JPH2: variants seen among roughly 807,000 people sequenced by gnomAD.
JPH2 encodes junctophilin 2, also known as junctophilin-2.
Under a neutral mutation model 55.9 loss-of-function variants are expected in JPH2, and 38 were observed. That is an observed-to-expected ratio of 0.68 (90% CI 0.52 to 0.89). The LOEUF (loss-of-function observed/expected upper bound fraction) is 0.89. Among genes scored for constraint, JPH2 ranks in the 40% least tolerant of loss-of-function variants. JPH2 has a pLI of 0.00. For missense variants in JPH2, 964 were observed against 1,037.6 expected (o/e 0.93, Z 0.97); for synonymous variants, 480 against 472.4 (o/e 1.02, Z -0.21).
Position 44,186,578 on chromosome 20 carries a change from T to C in JPH2, c.128A>G (p.Asn43Ser), listed in dbSNP as rs138992849. Residue 43 changes from asparagine (N) to serine (S), a missense_variant, in exon 1 of 6, where the codon AAC (asparagine) becomes AGC (serine). Coordinates refer to ENST00000372980, the MANE Select transcript of JPH2 (RefSeq NM_020433.5). The stretch of plus-strand genomic sequence containing the variant: ...GACACCTGCCACCTCAAAGCCAAAG[T>C]TCCAGGAGCCAGAGTATTCGCCCTG... ...KGQGEYSGSW[N>S]FGFEVAGVYT... The C allele has an allele frequency of 1.3e-4, 215 of 1,613,754 alleles. No homozygotes were observed. The African/African-American group carries it at 2.4e-3, about 18-fold the overall frequency.
chr20:44,151,399 C>A (rs112702405), intron 2 of JPH2, among the ~76,000 whole-genome samples: 3,161 of 152,274 alleles, frequency 0.021, 51 homozygotes, highest in Middle Eastern at 0.038. Context: ...TGCCTGTAAT[C>A]CCAGCTACTT....
At chr20:44,149,087 T>C (rs1194008775) in intron 2 of JPH2, among the ~76,000 whole-genome samples, 22 of 139,114 alleles carry the variant, frequency 1.6e-4, no homozygotes, top group East Asian at 4.1e-4. Flanking sequence ...ACATTCTCCC[T>C]CCTCCAATTA....
intron 4 of JPH2, among the ~76,000 whole-genome samples, chr20:44,115,355 G>A (rs2072180109): frequency 6.6e-6 from 1 of 152,120 alleles, no homozygotes; most frequent in African/African-American, 2.4e-5. Context: ...CCCTGACTGG[G>A]CAAATGGACC....
Position 44,159,825 on chromosome 20 carries a change from T to C in JPH2, c.962A>G (p.Asn321Ser), listed in dbSNP as rs373731005. 5.0e-5 allele frequency: 80 copies of C among 1,613,438 alleles called. No homozygotes were observed. The highest frequency in any genetic ancestry group is 6.6e-5 in the Non-Finnish European group (78 of 1,179,882). The change falls in exon 2 of 6, where the codon AAC becomes AGC. Residue 321 changes from asparagine to serine, a missense_variant. Coordinates refer to ENST00000372980, the MANE Select transcript of JPH2 (RefSeq NM_020433.5). This position sits in a 1 kb window ranked among gnomAD's most constrained non-coding sequence, Gnocchi z 5.7. Reference protein sequence around the residue: ...GLRYEGEWLDNLRHGYGCTTL... With the variant: ...GLRYEGEWLDSLRHGYGCTTL... ...GGTGCAGCCATAGCCGTGGCGCAGG[T>C]TGTCCAGCCACTCGCCCTCGTAGCG...
rs1335965554 is a variant in JPH2 at position 44,134,144 on chromosome 20, ATATTTATTATAAATATATAAATATT to A, written c.1170-15546_1170-15522del. ...ATATTTATTATAAATATATAAATAA[ATATTTATTATAAATATATAAATATT>A]TATTATAAATATATAAATATTTATT... On this transcript the variant is annotated intron_variant, in intron 2 of 5. Coordinates refer to ENST00000372980, the MANE Select transcript of JPH2 (RefSeq NM_020433.5). Among the ~76,000 whole-genome samples, 12 of 25,452 alleles carry A rather than the reference ATATTTATTATAAATATATAAATATT, an allele frequency of 4.7e-4. 5 individuals are homozygous for A. Among genetic ancestry groups the A allele is most frequent in the Non-Finnish European group, 8.8e-4 (12 of 13,694 alleles). 16.7% of individuals were successfully genotyped at this position (25,452 alleles called of 152,430 possible).
chr20:44,140,107 G>A (rs542202064), intron 2 of JPH2, among the ~76,000 whole-genome samples: 1 of 152,244 alleles, frequency 6.6e-6, no homozygotes, highest in East Asian at 1.9e-4. Flanking sequence ...TCCTGACCTC[G>A]TGATCTGCCC....
intron 2 of JPH2, among the ~76,000 whole-genome samples, chr20:44,118,967 G>T (rs1483561067): frequency 6.6e-6 from 1 of 152,194 alleles, no homozygotes; most frequent in African/African-American, 2.4e-5. Context: ...CAGCATTGCT[G>T]GTTGAATGCA....
chr20:44,123,221 G>A (rs1053719184), intron 2 of JPH2, among the ~76,000 whole-genome samples: 13 of 152,096 alleles, frequency 8.5e-5, no homozygotes, highest in African/African-American at 3.1e-4. Context: ...CCCAATCTCT[G>A]ATCCCAGCCT....
chr20:44,153,337 C>T (rs1281436632), intron 2 of JPH2, among the ~76,000 whole-genome samples: 1 of 152,134 alleles, frequency 6.6e-6, no homozygotes, highest in African/African-American at 2.4e-5. Flanking sequence ...GGAAAGTGAG[C>T]CCAGAGGGGT....
At chr20:44,183,030 C>G (rs34254827) in intron 1 of JPH2, among the ~76,000 whole-genome samples, 1 of 151,948 alleles carries the variant, frequency 6.6e-6, no homozygotes, top group Admixed American at 6.5e-5. Context: ...CACATACACA[C>G]GCACACATAA....
rs1251559727 is a variant in JPH2 at position 44,107,024 on chromosome 20, G to A, written c.*6494C>T. 5.3e-5 allele frequency among the ~76,000 whole-genome samples: 8 copies of A among 152,176 alleles called. No individual in the cohort carries two copies. Among genetic ancestry groups the A allele is most frequent in the Non-Finnish European group, 1.0e-4 (7 of 68,026 alleles). ...CAAGTTAGACTTCTTCCTCTGCCCT[G>A]TTCTGCATTTTCCTCCTTCCTTTCA... On this transcript the variant is annotated 3_prime_UTR_variant, in exon 6 of 6. Coordinates refer to ENST00000372980, the MANE Select transcript of JPH2 (RefSeq NM_020433.5).
intron 1 of JPH2, among the ~76,000 whole-genome samples, chr20:44,179,171 TTACA>T (rs1218365145): frequency 2.0e-5 from 3 of 152,146 alleles, no homozygotes; most frequent in Non-Finnish European, 4.4e-5. Flanking sequence ...TCTAAGAGCT[TTACA>T]TGGATCAGGG....
chr20:44,177,980 A>G, intron 1 of JPH2: 1 of 1,029,454 alleles, frequency 9.7e-7, no homozygotes, highest in Non-Finnish European at 1.5e-6. Flanking sequence ...TCCCTAAAGG[A>G]AAAAAGGAAA....
intron 2 of JPH2, among the ~76,000 whole-genome samples, chr20:44,120,915 G>A (rs571896910): frequency 2.3e-4 from 35 of 152,338 alleles, no homozygotes; most frequent in African/African-American, 8.4e-4. Flanking sequence ...GCTGAGCATG[G>A]CCAGGAACTG....
rs575189090 is a variant in JPH2, at chr20:44,182,795, G to A, written c.379+3532C>T. 1.1e-3 allele frequency among the ~76,000 whole-genome samples: 162 copies of A among 152,302 alleles called. 1 individual carries two copies. Among genetic ancestry groups the A allele is most frequent in the African/African-American group, 3.6e-3 (151 of 41,554 alleles). On this transcript the variant is annotated intron_variant, in intron 1 of 5. Coordinates refer to ENST00000372980, the MANE Select transcript of JPH2 (RefSeq NM_020433.5). ...AGTTTATGTTTTTCCACTGGACAGG[G>A]AGCTCCTTGAGGACCTTGTCTTGCT...
At position 44,126,188 on chromosome 20, in the gene JPH2, A is replaced by AAGGAAGGAAGGAAGGAAGGG. The variant is rs796524844; in HGVS notation, c.1170-7566_1170-7565insCCCTTCCTTCCTTCCTTCCT. Among the ~76,000 whole-genome samples, 26 of 95,730 alleles carry AAGGAAGGAAGGAAGGAAGGG rather than the reference A, an allele frequency of 2.7e-4. 1 individual carries two copies. The highest frequency in any genetic ancestry group is 8.5e-4 in the African/African-American group (21 of 24,734). The allele number at this position is 95,730 out of a possible 152,430, so 62.8% of individuals were successfully genotyped here. On this transcript the variant is annotated intron_variant, in intron 2 of 5. Coordinates refer to ENST00000372980, the MANE Select transcript of JPH2 (RefSeq NM_020433.5). ...GGAGGGAGGAAGGAAGGAAGGAAGG[A>AAGGAAGGAAGGAAGGAAGGG]AGGGAGGAAGGAAGGAAGAAGGGGG... is the stretch of plus-strand genomic sequence containing the variant.
Position 44,159,663 on chromosome 20 carries a change from C to T in JPH2, c.1124G>A (p.Arg375His), listed in dbSNP as rs2072590681. The T allele has an allele frequency of 2.5e-6, 4 of 1,610,490 alleles. No individual in the cohort carries two copies. The highest frequency in any genetic ancestry group is 2.5e-6 in the Non-Finnish European group (3 of 1,179,938). ...CTTCTGGCGCGCGATAGCAGCGGCG[C>T]GCTGGGCACCCTCCACACTGTGCTC... is the stretch of plus-strand genomic sequence containing the variant. ...KVEHSVEGAQ[R>H]AAAIARQKAE... is the part of the protein sequence containing the mutation. The change falls in exon 2 of 6, where the codon CGC becomes CAC. Residue 375 changes from arginine to histidine, a missense_variant. Physicochemically the swap from Arg to His is conservative, Grantham distance 29. Coordinates refer to ENST00000372980, the MANE Select transcript of JPH2 (RefSeq NM_020433.5). This position sits in a 1 kb window ranked among gnomAD's most constrained non-coding sequence, Gnocchi z 5.7.
chr20:44,136,560 A>G (rs576757876), intron 2 of JPH2, among the ~76,000 whole-genome samples: 1 of 152,290 alleles, frequency 6.6e-6, no homozygotes, highest in Admixed American at 6.5e-5. Context: ...TCTCTAAAGT[A>G]GGTATCACTA....
In JPH2 at chr20:44,116,214, C is replaced by T. The variant is rs781613132; in HGVS notation, c.1461G>A (p.Pro487=). ...TPRPEGGSPS[P]AGTPPQPKRP... ...GCTTGGGCTGCGGGGGCGTCCCGGCCGGTGACGGGGAGCCACCCTCGGGCC... is the reference window on the plus strand; with the variant it reads ...GCTTGGGCTGCGGGGGCGTCCCGGCTGGTGACGGGGAGCCACCCTCGGGCC... Residue 487 remains proline, a synonymous_variant, in exon 4 of 6, where the codon CCG becomes CCA. Transcript: ENST00000372980. The T allele has an allele frequency of 1.3e-5, 18 of 1,394,916 alleles. No individual in the cohort carries two copies. The highest frequency in any genetic ancestry group is 1.5e-5 in the Non-Finnish European group (16 of 1,086,262). 86.4% of individuals were successfully genotyped at this position (1,394,916 alleles called of 1,614,324 possible). A position where few individuals can be genotyped will look rare whatever the true frequency, so the allele number is the denominator to read the frequency against.
Sources: allele counts gnomAD v4.1 joint callset (sites outside exome capture counted in the v4.1 genomes callset), GRCh38; gene constraint gnomAD v4.1.1; non-coding constraint Gnocchi (gnomAD v3.1); transcripts MANE v1.5; gene names NCBI Gene and HGNC (gene_info 2026-07-23, HGNC 2026-07-21).